The following FHIP1A variants were observed in gnomAD, a reference collection of about 807,000 sequenced individuals.
FHIP1A encodes FHF complex subunit HOOK interacting protein 1A.
In FHIP1A, 61 loss-of-function variants were observed where a neutral mutation model predicts 88.6. The observed-to-expected ratio is 0.69, with a 90% CI of 0.56 to 0.85. The LOEUF is 0.85. Among genes scored for constraint, FHIP1A ranks in the 40% least tolerant of loss-of-function variants. The probability of loss-of-function intolerance (pLI) is 0.00; values close to 1 mark genes in which losing one functional copy is unlikely to be tolerated. For synonymous variants in FHIP1A, 478 were observed against 496.0 expected, an observed-to-expected ratio of 0.96 and a Z score of 0.48; for missense variants, 1,154 against 1,273.5, an observed-to-expected ratio of 0.91 and a Z score of 1.43.
In FHIP1A at chr4:151,469,175, G is replaced by A. The variant is rs72728110; in HGVS notation, c.-247-13349G>A. ...GTTTTAAGAAGTGTTCACAAGATTT[G>A]CAGCCATTTGAACTGGAAGACCTTT... On this transcript the variant is annotated intron_variant, in intron 2 of 13. Transcript: ENST00000435205. Among the ~76,000 whole-genome samples the A allele has an allele frequency of 6.7e-3, 1,017 of 152,284 alleles. 4 individuals carry two copies. Among genetic ancestry groups the A allele is most frequent in the Non-Finnish European group, 0.011 (733 of 68,020 alleles).
At chr4:151,536,794 A>T (rs112826268) in intron 3 of FHIP1A, among the ~76,000 whole-genome samples, 29 of 152,338 alleles carry the variant, frequency 1.9e-4, no homozygotes, top group African/African-American at 6.7e-4. Context: ...TTGTGTTAAC[A>T]TAAGTTTTCC....
At chr4:151,533,714 G>C (rs1185354360) in intron 3 of FHIP1A, among the ~76,000 whole-genome samples, 1 of 152,190 alleles carries the variant, frequency 6.6e-6, no homozygotes, top group Non-Finnish European at 1.5e-5. Flanking sequence ...CTGAATTCAA[G>C]ACAGGTAGCC....
At chr4:151,471,824 A>G (rs997921162) in intron 2 of FHIP1A, among the ~76,000 whole-genome samples, 3 of 152,072 alleles carry the variant, frequency 2.0e-5, no homozygotes, top group African/African-American at 4.8e-5. Context: ...ATGCCTTTGC[A>G]TTATCATAGC....
At chr4:151,598,361 C>T (rs1441385786) in intron 7 of FHIP1A, among the ~76,000 whole-genome samples, 2 of 152,150 alleles carry the variant, frequency 1.3e-5, no homozygotes, top group Admixed American at 1.3e-4. Flanking sequence ...GTAGGCTGCA[C>T]CCACTGTCTA....
rs1197208448 is a variant in FHIP1A, at chr4:151,420,360, C to T, written c.-356+10895C>T. On this transcript the variant is annotated intron_variant, in intron 1 of 13. Coordinates refer to ENST00000435205, the MANE Select transcript of FHIP1A (RefSeq NM_001109977.3). ...TGGCCAGTGATGATGAGCATTTCTT[C>T]ATGTGTTTTTTGGCTGCATAAATGT... Among the ~76,000 whole-genome samples, 6 of 146,252 alleles carry T rather than the reference C, an allele frequency of 4.1e-5. 2 individuals carry two copies. In the East Asian group the frequency reaches 1.2e-3, roughly 29 times the overall value.
At chr4:151,645,248 C>T (rs1281349746) in intron 9 of FHIP1A, among the ~76,000 whole-genome samples, 2 of 152,130 alleles carry the variant, frequency 1.3e-5, no homozygotes, top group Admixed American at 1.3e-4. Context: ...ACCGCCTTAC[C>T]TAGATGGTTT....
At chr4:151,627,955 C>CT (rs1395308002) in intron 7 of FHIP1A, among the ~76,000 whole-genome samples, 1 of 152,130 alleles carries the variant, frequency 6.6e-6, no homozygotes, top group African/African-American at 2.4e-5. Flanking sequence ...ATTAGGAGTG[C>CT]TTCATATATG....
intron 7 of FHIP1A, among the ~76,000 whole-genome samples, chr4:151,604,532 C>T (rs547627058): frequency 2.0e-4 from 30 of 152,138 alleles, no homozygotes; most frequent in Non-Finnish European, 3.8e-4. Flanking sequence ...TCATTACTTT[C>T]AATTTGGTCT....
chr4:151,445,755 T>A (rs1034063006), intron 1 of FHIP1A, among the ~76,000 whole-genome samples: 1 of 150,660 alleles, frequency 6.6e-6, no homozygotes, highest in Non-Finnish European at 1.5e-5. Flanking sequence ...TTCAGGAGGC[T>A]AAGGCAGGAG....
intron 9 of FHIP1A, among the ~76,000 whole-genome samples, chr4:151,639,348 T>C (rs940427301): frequency 1.3e-5 from 2 of 152,036 alleles, no homozygotes; most frequent in African/African-American, 2.4e-5. Flanking sequence ...TGAGGACGAG[T>C]ATTAGGAGTC....
At chr4:151,495,722 C>T (rs1730438831) in intron 3 of FHIP1A, among the ~76,000 whole-genome samples, 1 of 148,444 alleles carries the variant, frequency 6.7e-6, no homozygotes, top group Non-Finnish European at 1.5e-5. Context: ...CTCCCAGTTT[C>T]CAGTGATTAT....
intron 1 of FHIP1A, among the ~76,000 whole-genome samples, chr4:151,415,770 G>C (rs1031783389): frequency 2.0e-5 from 3 of 152,182 alleles, no homozygotes; most frequent in African/African-American, 7.2e-5. Context: ...TGAAATAAGA[G>C]GTCATAACAG....
At chr4:151,653,744 G>A (rs764951662) in intron 11 of FHIP1A, among the ~76,000 whole-genome samples, 2 of 152,128 alleles carry the variant, frequency 1.3e-5, no homozygotes, top group Non-Finnish European at 2.9e-5. Context: ...TCAGAGATAT[G>A]TCCAGGGTAG....
At chr4:151,513,485 C>T (rs955708318) in intron 3 of FHIP1A, among the ~76,000 whole-genome samples, 1 of 152,120 alleles carries the variant, frequency 6.6e-6, no homozygotes, top group African/African-American at 2.4e-5. Context: ...ACTAAATGCT[C>T]CAATTAGAAG....
At chr4:151,612,424 A>G (rs1735357750) in intron 7 of FHIP1A, among the ~76,000 whole-genome samples, 1 of 152,218 alleles carries the variant, frequency 6.6e-6, no homozygotes, top group Admixed American at 6.5e-5. Context: ...TCCGTTGCTC[A>G]GGCTGGATTG....
chr4:151,650,098 G>C lies in FHIP1A; in HGVS notation c.2057G>C (p.Ser686Thr), dbSNP rs1310293889. 1.2e-5 allele frequency: 19 copies of C among 1,551,536 alleles called. No homozygotes were observed. The highest frequency in any genetic ancestry group is 1.6e-5 in the Non-Finnish European group (18 of 1,146,984). Residue 686 changes from serine (S) to threonine (T), a missense_variant, in exon 11 of 14, where the codon AGC becomes ACC. By Grantham distance (58) the Ser-to-Thr change is moderately conservative (BLOSUM62 1). Transcript: ENST00000435205. ...CCCATCAACAACGGCCCCCTCCTCA[G>C]CACCCAGCCAGAGACAGATTCAGAG... ...SVPINNGPLLSTQPETDSEEE... is the reference protein window; with the variant it reads ...SVPINNGPLLTTQPETDSEEE...
intron 3 of FHIP1A, among the ~76,000 whole-genome samples, chr4:151,487,006 A>G (rs926832882): frequency 6.6e-6 from 1 of 151,806 alleles, no homozygotes; most frequent in Non-Finnish European, 1.5e-5. Context: ...TGCTTACTAT[A>G]TAATATTTTT....
Position 151,656,558 on chromosome 4 carries a change from T to C in FHIP1A, c.2730+148T>C. ...CTGTCCTATTAAGCTCACTGTGTAG[T>C]TTATTCTAGACAAACTGTAGAGCTT... On this transcript the variant is annotated intron_variant, in intron 12 of 13. Transcript: ENST00000435205. This position sits in a 1 kb window ranked among gnomAD's most constrained non-coding sequence, Gnocchi z 4.2. The C allele has an allele frequency of 9.8e-7, 1 of 1,016,754 alleles. No homozygotes were observed. The highest frequency in any genetic ancestry group is 1.4e-6 in the Non-Finnish European group (1 of 704,352). The allele number at this position is 1,016,754 out of a possible 1,614,324, so 63.0% of individuals were successfully genotyped here. A position where few individuals can be genotyped will look rare whatever the true frequency, so the allele number is the denominator to read the frequency against.
intron 7 of FHIP1A, among the ~76,000 whole-genome samples, chr4:151,598,633 C>T (rs979008879): frequency 6.6e-6 from 1 of 152,124 alleles, no homozygotes; most frequent in African/African-American, 2.4e-5. Flanking sequence ...AGAGGTGAAC[C>T]TATTCTCTCT....
Sources: allele counts gnomAD v4.1 joint callset (sites outside exome capture counted in the v4.1 genomes callset), GRCh38; gene constraint gnomAD v4.1.1; non-coding constraint Gnocchi (gnomAD v3.1); transcripts MANE v1.5; gene names NCBI Gene and HGNC (gene_info 2026-07-23, HGNC 2026-07-21).